The following UTRN variants were observed in gnomAD, a reference collection of about 807,000 sequenced individuals.
UTRN encodes dystrophin-related protein 1.
In UTRN, 283 loss-of-function variants were observed where a neutral mutation model predicts 463.9. The ratio of observed to expected loss-of-function variants is 0.61; its 90% CI spans 0.55 to 0.67. UTRN has a LOEUF of 0.67. UTRN is among the 30% of genes least tolerant of loss of function. The probability of loss-of-function intolerance (pLI) is 0.00; values close to 1 mark genes in which losing one functional copy is unlikely to be tolerated. For missense variants in UTRN, 3,922 were observed against 4,084.3 expected, an observed-to-expected ratio of 0.96 and a Z score of 1.08; for synonymous variants, 1,442 against 1,431.5, an observed-to-expected ratio of 1.01 and a Z score of -0.17.
chr6:144,374,783 T>C (rs1780307411), intron 2 of UTRN, among the ~76,000 whole-genome samples: 1 of 151,256 alleles, frequency 6.6e-6, no homozygotes, highest in South Asian at 2.1e-4. Context: ...CGCCCAGCCT[T>C]AAAAATACAA....
chr6:144,833,320 A>G (rs115000739), intron 69 of UTRN, among the ~76,000 whole-genome samples: 110 of 152,292 alleles, frequency 7.2e-4, no homozygotes, highest in African/African-American at 2.6e-3. Context: ...GACTGTAGAT[A>G]TTGCTCCATT....
intron 65 of UTRN, among the ~76,000 whole-genome samples, chr6:144,814,547 A>G (rs1012704025): frequency 1.3e-5 from 2 of 152,228 alleles, no homozygotes; most frequent in African/African-American, 2.4e-5. Context: ...AATTAATTAT[A>G]CAACCAAAAA....
intron 12 of UTRN, 32 bp downstream of exon 12, chr6:144,438,927 A>C: frequency 6.2e-7 from 1 of 1,609,320 alleles, no homozygotes; most frequent in Non-Finnish European, 8.5e-7. Flanking sequence ...TCGATACCTT[A>C]TCAAATATGA....
chr6:144,752,766 A>G (rs1005102798), intron 56 of UTRN, among the ~76,000 whole-genome samples: 2 of 151,790 alleles, frequency 1.3e-5, no homozygotes, highest in African/African-American at 4.8e-5. Flanking sequence ...TCTCTAATTC[A>G]TTATCTTCAT....
chr6:144,540,697 A>C (rs1324131070), intron 45 of UTRN, among the ~76,000 whole-genome samples: 2 of 152,218 alleles, frequency 1.3e-5, no homozygotes, highest in Admixed American at 6.5e-5. Flanking sequence ...TTAAGTCAGA[A>C]ATATTGGAGT....
At chr6:144,592,758 T>C (rs1803233772) in intron 51 of UTRN, among the ~76,000 whole-genome samples, 1 of 152,192 alleles carries the variant, frequency 6.6e-6, no homozygotes, top group Admixed American at 6.6e-5. Flanking sequence ...ATGCCTGATT[T>C]CTTGTATCCT....
chr6:144,646,343 G>A (rs1204665625), intron 51 of UTRN, among the ~76,000 whole-genome samples: 1 of 152,108 alleles, frequency 6.6e-6, no homozygotes, highest in African/African-American at 2.4e-5. Context: ...TGCATGTTAA[G>A]TTCCTTTCTT....
chr6:144,455,027 GTTTA>G (rs919479413), intron 19 of UTRN, among the ~76,000 whole-genome samples: 2 of 151,802 alleles, frequency 1.3e-5, no homozygotes, highest in Non-Finnish European at 2.9e-5. Flanking sequence ...TAACAAATAT[GTTTA>G]TTTATTTAGT....
intron 3 of UTRN, among the ~76,000 whole-genome samples, chr6:144,409,811 C>A (rs1170641666): frequency 2.0e-5 from 3 of 152,022 alleles, no homozygotes; most frequent in Non-Finnish European, 4.4e-5. Context: ...AATAAAAAAC[C>A]CTGCCAACAC....
chr6:144,820,473 G>A (rs964863122), intron 65 of UTRN, among the ~76,000 whole-genome samples: 3 of 106,022 alleles, frequency 2.8e-5, no homozygotes, highest in African/African-American at 1.6e-4. Context: ...AACACAGCTT[G>A]GTTAAAACCA....
chr6:144,789,981 G>T (rs906169587), intron 62 of UTRN, among the ~76,000 whole-genome samples: 1 of 152,136 alleles, frequency 6.6e-6, no homozygotes, highest in Admixed American at 6.6e-5. Context: ...GTGTCTTTGG[G>T]CAGGTTATGT....
intron 51 of UTRN, among the ~76,000 whole-genome samples, chr6:144,639,228 A>T (rs1253568279): frequency 2.0e-5 from 3 of 152,196 alleles, no homozygotes; most frequent in Non-Finnish European, 4.4e-5. Flanking sequence ...TTGTACACTG[A>T]CAATACTCTC....
rs747696689 is a variant in UTRN, at chr6:144,297,669, C to G, written c.79+5762C>G. Among the ~76,000 whole-genome samples, 5 of 152,176 alleles carry G rather than the reference C, an allele frequency of 3.3e-5. No individual in the cohort carries two copies. The South Asian group carries it at 8.3e-4, about 25-fold the overall frequency. On this transcript the variant is annotated intron_variant, in intron 2 of 74. Coordinates refer to ENST00000367545, the MANE Select transcript of UTRN (RefSeq NM_007124.3). Reference sequence around the variant, plus strand: ...AGCCCTGGGGATTTGTAGTGATAGACAGTAACCCTGATGGAAATTCAACTC... The same window carrying G: ...AGCCCTGGGGATTTGTAGTGATAGAGAGTAACCCTGATGGAAATTCAACTC...
chr6:144,700,850 C>T (rs930849124), intron 53 of UTRN, among the ~76,000 whole-genome samples: 1 of 151,980 alleles, frequency 6.6e-6, no homozygotes, highest in Admixed American at 6.6e-5. Context: ...TCTCCTGCCT[C>T]AGCCTCCCAA....
chr6:144,434,165 A>AC (rs1786282905), intron 9 of UTRN, among the ~76,000 whole-genome samples: 1 of 152,112 alleles, frequency 6.6e-6, no homozygotes, highest in Non-Finnish European at 1.5e-5. Context: ...ACACAGCGAA[A>AC]CCCCGTCTCC....
intron 69 of UTRN, among the ~76,000 whole-genome samples, chr6:144,831,823 A>C (rs1230540524): frequency 6.6e-6 from 1 of 152,168 alleles, no homozygotes; most frequent in African/African-American, 2.4e-5. Flanking sequence ...GAAAGAAAGA[A>C]TGGGGAGGCT....
intron 32 of UTRN, among the ~76,000 whole-genome samples, chr6:144,491,547 TGATATA>T (rs1793077971): frequency 6.6e-6 from 1 of 152,022 alleles, no homozygotes; most frequent in South Asian, 2.1e-4. Context: ...AAAGAAGAAA[TGATATA>T]TAAGGCCTTA....
At chr6:144,373,653 C>T (rs1216924653) in intron 2 of UTRN, among the ~76,000 whole-genome samples, 6 of 152,076 alleles carry the variant, frequency 3.9e-5, no homozygotes, top group Admixed American at 6.5e-5. Flanking sequence ...CCGTTAAATC[C>T]GGATGGATTT....
At chr6:144,588,248 G>A (rs1802667401) in intron 51 of UTRN, among the ~76,000 whole-genome samples, 1 of 152,102 alleles carries the variant, frequency 6.6e-6, no homozygotes, top group African/African-American at 2.4e-5. Context: ...TTGGACCTCT[G>A]TTTTGCTGTA....
Sources: allele counts gnomAD v4.1 joint callset (sites outside exome capture counted in the v4.1 genomes callset), GRCh38; gene constraint gnomAD v4.1.1; transcripts MANE v1.5; gene names NCBI Gene and HGNC (gene_info 2026-07-23, HGNC 2026-07-21).